Variants in CPED1 observed in about 807,000 individuals in gnomAD.
The protein encoded by CPED1 is cadherin-like and PC-esterase domain-containing protein 1.
CPED1 carries 114 observed loss-of-function variants against 128.2 expected under a neutral mutation model. That is an observed-to-expected ratio of 0.89 (90% CI 0.76 to 1.04). The LOEUF is 1.04. CPED1 is among the 50% of genes least tolerant of loss of function. CPED1 has a pLI of 0.00. For missense variants in CPED1, 1,211 were observed against 1,207.1 expected, an observed-to-expected ratio of 1.00 and a Z score of -0.05; for synonymous variants, 462 against 426.7, an observed-to-expected ratio of 1.08 and a Z score of -1.02.
At chr7:121,293,545 T>G (rs1329219598) in intron 22 of CPED1, among the ~76,000 whole-genome samples, 1 of 152,096 alleles carries the variant, frequency 6.6e-6, no homozygotes, top group Non-Finnish European at 1.5e-5. Flanking sequence ...CAGGCACTAC[T>G]GGGGTATGAA....
At chr7:121,275,668 T>A (rs950012340) in intron 22 of CPED1, among the ~76,000 whole-genome samples, 1 of 152,148 alleles carries the variant, frequency 6.6e-6, no homozygotes, top group Non-Finnish European at 1.5e-5. Flanking sequence ...AAAAACCATC[T>A]GGCATCAAAC....
chr7:120,989,591 T>G lies in CPED1; in HGVS notation c.-31T>G. On this transcript the variant is annotated 5_prime_UTR_variant, in exon 2 of 23. Transcript: ENST00000310396. ...AGCTGCTATGACTTTTCCCGCAACG[T>G]GGACAGGGGCCAAGTGAAGCTGAAC... 6.2e-7 allele frequency: 1 copy of G among 1,605,808 alleles called. No individual in the cohort carries two copies. Among genetic ancestry groups the G allele is most frequent in the South Asian group, 1.1e-5 (1 of 90,810 alleles).
At chr7:121,189,098 A>G (rs1325102700) in intron 16 of CPED1, among the ~76,000 whole-genome samples, 1 of 152,118 alleles carries the variant, frequency 6.6e-6, no homozygotes, top group Non-Finnish European at 1.5e-5. Context: ...CTTCAGACAT[A>G]TTATCACATA....
chr7:121,223,960 C>A (rs908760229), intron 16 of CPED1, among the ~76,000 whole-genome samples: 3 of 150,656 alleles, frequency 2.0e-5, no homozygotes, highest in African/African-American at 7.3e-5. Context: ...GTCTCTATTT[C>A]TTTTAGTTCT....
intron 4 of CPED1, among the ~76,000 whole-genome samples, chr7:121,047,734 G>T (rs116431092): frequency 2.3e-5 from 3 of 128,512 alleles, no homozygotes; most frequent in African/African-American, 7.2e-5. Context: ...TTTTTGAGAC[G>T]TAATCTTGCT....
intron 2 of CPED1, among the ~76,000 whole-genome samples, chr7:121,003,744 G>T (rs1474026798): frequency 6.6e-6 from 1 of 152,132 alleles, no homozygotes; most frequent in Non-Finnish European, 1.5e-5. Context: ...GGGAGGGAGA[G>T]TTCTTGGATC....
In CPED1 at chr7:121,003,605, T is replaced by G. The variant is rs148172102; in HGVS notation, c.250-12060T>G. ...AGAATGAATATGTAATTTGGAGATC[T>G]CCAGGGCTGATTTTGAAAGAATATG... On this transcript the variant is annotated intron_variant, in intron 2 of 22. Coordinates refer to ENST00000310396, the MANE Select transcript of CPED1 (RefSeq NM_024913.5). Among the ~76,000 whole-genome samples the G allele has an allele frequency of 5.2e-3, 787 of 152,296 alleles. 12 individuals are homozygous for G. The highest frequency in any genetic ancestry group is 0.018 in the African/African-American group (749 of 41,560).
intron 22 of CPED1, among the ~76,000 whole-genome samples, chr7:121,279,601 A>T (rs1792408486): frequency 6.6e-6 from 1 of 152,172 alleles, no homozygotes. Context: ...AGTGAGGCAT[A>T]CTTGCTGTTC....
chr7:121,132,095 T>A (rs1426574495), intron 12 of CPED1, among the ~76,000 whole-genome samples: 1 of 151,948 alleles, frequency 6.6e-6, no homozygotes, highest in African/African-American at 2.4e-5. Context: ...AAGAAAAAAA[T>A]GCCCAAATCT....
At chr7:121,081,217 A>G (rs1382182830) in intron 5 of CPED1, among the ~76,000 whole-genome samples, 1 of 152,200 alleles carries the variant, frequency 6.6e-6, no homozygotes, top group Non-Finnish European at 1.5e-5. Context: ...TAAAGACTCA[A>G]AATGAGAGTT....
intron 7 of CPED1, among the ~76,000 whole-genome samples, chr7:121,113,857 CT>C (rs1406934091): frequency 6.6e-6 from 1 of 151,932 alleles, no homozygotes; most frequent in Non-Finnish European, 1.5e-5. Context: ...GAGACAGAAC[CT>C]CTTTCTGTCG....
At chr7:121,148,527 C>A (rs1796078617) in intron 16 of CPED1, among the ~76,000 whole-genome samples, 2 of 152,056 alleles carry the variant, frequency 1.3e-5, no homozygotes, top group Admixed American at 1.3e-4. Context: ...TGAAATAGAT[C>A]ATTAGTAAAG....
intron 7 of CPED1, among the ~76,000 whole-genome samples, chr7:121,104,648 A>G (rs1212892447): frequency 2.0e-5 from 3 of 152,286 alleles, no homozygotes; most frequent in Non-Finnish European, 4.4e-5. Flanking sequence ...TTGATCAGCC[A>G]TCCCATATTT....
At chr7:121,052,125 T>C (rs1793369876) in intron 4 of CPED1, 1 of 152,214 alleles carries the variant, frequency 6.6e-6, no homozygotes, top group Non-Finnish European at 1.5e-5. Context: ...CCCATACTAC[T>C]TTGGCTGCCA....
chr7:121,139,897 A>G (rs1052626489), intron 14 of CPED1, among the ~76,000 whole-genome samples: 3 of 152,022 alleles, frequency 2.0e-5, no homozygotes, highest in Non-Finnish European at 2.9e-5. Context: ...AGATACTTCA[A>G]TTTTACTGAT....
intron 16 of CPED1, among the ~76,000 whole-genome samples, chr7:121,157,109 G>A (rs780744344): frequency 1.3e-5 from 2 of 152,164 alleles, no homozygotes; most frequent in African/African-American, 4.8e-5. Context: ...ACTGCCTGGA[G>A]GATTGGCATT....
At chr7:121,266,949 A>G (rs532347051) in intron 20 of CPED1, 141 bp downstream of exon 20, 9 of 673,576 alleles carry the variant, frequency 1.3e-5, no homozygotes, top group Admixed American at 2.7e-5. Context: ...TTAAAATAAT[A>G]AAGTAAAATA....
chr7:121,290,717 G>C (rs1792682044), intron 22 of CPED1, among the ~76,000 whole-genome samples: 2 of 152,214 alleles, frequency 1.3e-5, no homozygotes, highest in African/African-American at 2.4e-5. Flanking sequence ...TTGTTAGATG[G>C]ACAGATTGCA....
At chr7:121,134,713 G>T (rs1447248471) in intron 13 of CPED1, among the ~76,000 whole-genome samples, 1 of 151,888 alleles carries the variant, frequency 6.6e-6, no homozygotes, top group African/African-American at 2.4e-5. Flanking sequence ...AGAATTATGT[G>T]TCAATTAAAA....
Sources: gnomAD v4.1 joint callset for allele counts (sites outside exome capture counted in the v4.1 genomes callset) on GRCh38, gnomAD v4.1.1 for gene constraint, MANE v1.5 for transcripts, NCBI Gene and HGNC (gene_info 2026-07-23, HGNC 2026-07-21) for gene names.